Variants in VCL observed in about 807,000 individuals in gnomAD.
VCL encodes the protein epididymis luminal protein 114.
Under a neutral mutation model 125.7 loss-of-function variants are expected in VCL, and 47 were observed. The ratio of observed to expected loss-of-function variants is 0.37; its 90% confidence interval spans 0.30 to 0.48. VCL has a LOEUF of 0.48. VCL is among the 20% of genes least tolerant of loss of function. The probability of loss-of-function intolerance (pLI) is 0.99; values close to 1 mark genes in which losing one functional copy is unlikely to be tolerated. For missense variants in VCL, 1,069 were observed against 1,455.5 expected (o/e 0.73, Z 4.32); for synonymous variants, 458 against 514.6 (o/e 0.89, Z 1.49).
Position 74,097,420 on chromosome 10 carries a change from C to T in VCL, c.1872+88C>T. On this transcript the variant is annotated intron_variant, in intron 13 of 21. Coordinates refer to ENST00000211998, the MANE Select transcript of VCL (RefSeq NM_014000.3). The surrounding 1 kb of genome is among the most constrained non-coding windows in gnomAD (Gnocchi z 4.1). Reference sequence around the variant, plus strand: ...ATGTGATTACAGTGGACATCAGGATCAGTGGTTGGGAAACTGTAGATGAAG... The same window carrying T: ...ATGTGATTACAGTGGACATCAGGATTAGTGGTTGGGAAACTGTAGATGAAG... The T allele has an allele frequency of 6.4e-7, 1 of 1,571,800 alleles. No homozygotes were observed. The highest frequency in any genetic ancestry group is 8.6e-7 in the Non-Finnish European group (1 of 1,159,028).
At chr10:74,114,518 T>C in intron 20 of VCL, 131 bp downstream of exon 20, 1 of 1,144,434 alleles carries the variant, frequency 8.7e-7, no homozygotes, top group South Asian at 1.3e-5. Context: ...AAAGAGGCAC[T>C]TCACCGGGGA....
At position 74,114,434 on chromosome 10, in the gene VCL, T is replaced by TGTGTGTGTGTGC. The variant is rs138018528; in HGVS notation, c.3153+50_3153+51insTGTGTGTGCGTG. On this transcript the variant is annotated intron_variant, in intron 20 of 21. Transcript: ENST00000211998. ...GTGTGTGTGTGTGTGTGTGTGTGTG[T>TGTGTGTGTGTGC]GTGCGTGTGTGTGTGTGTTGGAGGG... The TGTGTGTGTGTGC allele has an allele frequency of 6.8e-6, 10 of 1,468,572 alleles. No individual in the cohort carries two copies. The African/African-American group carries it at 1.1e-4, about 17-fold the overall frequency. 91.0% of individuals were successfully genotyped at this position (1,468,572 alleles called of 1,614,324 possible). A position where few individuals can be genotyped will look rare whatever the true frequency, so the allele number is the denominator to read the frequency against.
Position 74,118,390 on chromosome 10 carries a change from A to G in VCL, c.*221A>G. ...GTATAAAGCCTGTATTCTCAAACAC[A>G]GTTACACTTGTGCACCCTCTATCCC... On this transcript the variant is annotated 3_prime_UTR_variant, in exon 22 of 22. Transcript: ENST00000211998. 1 of 613,306 alleles carries G rather than the reference A, an allele frequency of 1.6e-6. No homozygotes were observed. The highest frequency in any genetic ancestry group is 1.8e-5 in the South Asian group (1 of 54,400). The allele number at this position is 613,306 out of a possible 1,614,324, so 38.0% of individuals were successfully genotyped here. A position where few individuals can be genotyped will look rare whatever the true frequency, so the allele number is the denominator to read the frequency against.
At chr10:74,009,863 C>T (rs1355573082) in intron 1 of VCL, among the ~76,000 whole-genome samples, 1 of 152,080 alleles carries the variant, frequency 6.6e-6, no homozygotes, top group Non-Finnish European at 1.5e-5. Context: ...CCCCCTCGGC[C>T]TCCCAAAGTG....
At chr10:74,063,529 C>A (rs1841512790) in intron 2 of VCL, among the ~76,000 whole-genome samples, 1 of 152,310 alleles carries the variant, frequency 6.6e-6, no homozygotes, top group Non-Finnish European at 1.5e-5. Context: ...ATACCTCCTT[C>A]TCTCCTGCTT....
chr10:74,066,290 C>T (rs1037320497), intron 2 of VCL, among the ~76,000 whole-genome samples: 1 of 151,940 alleles, frequency 6.6e-6, no homozygotes, highest in Non-Finnish European at 1.5e-5. Flanking sequence ...AACTCCCGAC[C>T]TCAGGTGATC....
chr10:74,019,880 T>C (rs758115924), intron 1 of VCL, among the ~76,000 whole-genome samples: 4 of 152,024 alleles, frequency 2.6e-5, no homozygotes. Flanking sequence ...CTGGCCAAAA[T>C]GGTGAAACCC....
chr10:74,049,110 A>AAAC (rs1564517592), intron 2 of VCL, among the ~76,000 whole-genome samples: 128 of 146,624 alleles, frequency 8.7e-4, no homozygotes, highest in African/African-American at 2.8e-3. Context: ...CCATCTCAAA[A>AAAC]AAACAAACAA....
chr10:74,111,894 C>T lies in VCL; in HGVS notation c.2746-15C>T. Reference sequence around the variant, plus strand: ...ACACTATCCCTATTTCTCATCCTTCCCGCCATCGACAAAGCCGGGCATCCC... The same window carrying T: ...ACACTATCCCTATTTCTCATCCTTCTCGCCATCGACAAAGCCGGGCATCCC... On this transcript the variant is annotated splice_polypyrimidine_tract_variant and intron_variant, in intron 18 of 21. Transcript: ENST00000211998. The T allele has an allele frequency of 6.2e-7, 1 of 1,614,144 alleles. No individual in the cohort carries two copies. Among genetic ancestry groups the T allele is most frequent in the Non-Finnish European group, 8.5e-7 (1 of 1,180,020 alleles).
chr10:74,043,087 G>C lies in VCL; in HGVS notation c.173G>C (p.Gly58Ala), dbSNP rs1841125642. The change falls in exon 2 of 22, where the codon GGA becomes GCA. Residue 58 changes from glycine (G) to alanine (A), a missense_variant. Around this residue, in one of 6 missense-constraint regions of VCL, gnomAD observed 96 missense variants for 137.6 expected, o/e 0.70. Transcript: ENST00000211998. ...TGATTTTTTTTCCTCTTGTAGGTTG[G>C]AAAAGAGACTGTTCAAACCACTGAG... is the stretch of plus-strand genomic sequence containing the variant. ...QAAVSNLVRVGKETVQTTEDQ... is the reference protein window; with the variant it reads ...QAAVSNLVRVAKETVQTTEDQ... The C allele has an allele frequency of 6.2e-7, 1 of 1,613,036 alleles. No individual in the cohort carries two copies.
chr10:74,005,240 T>C (rs1591645690), intron 1 of VCL: 1 of 152,158 alleles, frequency 6.6e-6, no homozygotes, highest in South Asian at 2.1e-4. Flanking sequence ...TATCTATAGA[T>C]AGATATATGT....
intron 8 of VCL, among the ~76,000 whole-genome samples, chr10:74,086,305 G>A (rs545233003): frequency 6.6e-6 from 1 of 152,162 alleles, no homozygotes; most frequent in East Asian, 1.9e-4. Context: ...ATTTCTAGAG[G>A]TTCCTGGATT....
intron 1 of VCL, among the ~76,000 whole-genome samples, chr10:74,017,085 TC>T (rs2136230688): frequency 7.4e-6 from 1 of 134,902 alleles, no homozygotes; most frequent in South Asian, 2.5e-4. Context: ...TCTCGCTCTG[TC>T]GCCCAGGCTG....
chr10:74,091,956 T>G (rs1839895576), intron 10 of VCL, among the ~76,000 whole-genome samples: 1 of 152,128 alleles, frequency 6.6e-6, no homozygotes, highest in African/African-American at 2.4e-5. Flanking sequence ...GCTGCCAGGC[T>G]GGAGTGCAGT....
rs180930142 is a variant in VCL, at chr10:74,107,918, A to G, written c.2559+564A>G. Among the ~76,000 whole-genome samples the G allele has an allele frequency of 4.1e-4, 62 of 152,344 alleles. 1 individual carries two copies. Among genetic ancestry groups the G allele is most frequent in the African/African-American group, 1.4e-3 (59 of 41,572 alleles). ...TGGTGTAGGAAGAAGCTAGCTAGGC[A>G]GTATGTTGCAGACACAAATTCCAGA... On this transcript the variant is annotated intron_variant, in intron 17 of 21. Transcript: ENST00000211998.
At chr10:74,094,191 A>G (rs1013797237) in intron 10 of VCL, 80 bp from the exon 11 acceptor site, 30 of 1,559,414 alleles carry the variant, frequency 1.9e-5, no homozygotes, top group Middle Eastern at 2.2e-4. Context: ...TCATCCTATT[A>G]GCATTTGTCA....
rs187870650 is a variant in VCL, at chr10:74,113,983, T to C, written c.2950-201T>C. Among the ~76,000 whole-genome samples, 295 of 152,280 alleles carry C rather than the reference T, an allele frequency of 1.9e-3. 1 individual carries two copies. The highest frequency in any genetic ancestry group is 1.8e-3 in the Non-Finnish European group (120 of 68,012). On this transcript the variant is annotated intron_variant, in intron 19 of 21. Transcript: ENST00000211998. ...TCTCTTTGTTTCTCACACTGAGTGCTTGGGCGAGTGCCCTGTCTCATTCTT... is the reference window on the plus strand; with the variant it reads ...TCTCTTTGTTTCTCACACTGAGTGCCTGGGCGAGTGCCCTGTCTCATTCTT...
Position 74,071,125 on chromosome 10 carries a change from C to A in VCL, c.499+42C>A. On this transcript the variant is annotated intron_variant, in intron 4 of 21. Coordinates refer to ENST00000211998, the MANE Select transcript of VCL (RefSeq NM_014000.3). The surrounding 1 kb of genome is among the most constrained non-coding windows in gnomAD (Gnocchi z 4.1). The stretch of plus-strand genomic sequence containing the variant: ...TTCTATAACATTTTTTAAGGATTGT[C>A]CATGTTGGAGCCAAAGGAAAGGGTA... The A allele has an allele frequency of 1.3e-6, 2 of 1,590,818 alleles. No homozygotes were observed. Among genetic ancestry groups the A allele is most frequent in the East Asian group, 2.2e-5 (1 of 44,674 alleles).
chr10:74,088,847 G>T (rs1490800868), intron 8 of VCL, among the ~76,000 whole-genome samples: 1 of 152,112 alleles, frequency 6.6e-6, no homozygotes, highest in Admixed American at 6.5e-5. Flanking sequence ...ACATTACTAT[G>T]GTAACAAAGC....
Sources: gnomAD v4.1 joint callset for allele counts (sites outside exome capture counted in the v4.1 genomes callset) on GRCh38, gnomAD v4.1.1 for gene constraint, gnomAD v4.1.1 regional missense constraint, Gnocchi (gnomAD v3.1) non-coding constraint, MANE v1.5 for transcripts, NCBI Gene and HGNC (gene_info 2026-07-23, HGNC 2026-07-21) for gene names.